The following UBE2R2 variants were observed in gnomAD, a reference collection of about 807,000 sequenced individuals.
UBE2R2 encodes ubiquitin-conjugating enzyme E2 R2.
A neutral mutation model predicts 27.8 loss-of-function variants in UBE2R2; 1 was observed. The ratio of observed to expected loss-of-function variants is 0.04; its 90% confidence interval spans 0.01 to 0.17. The LOEUF (loss-of-function observed/expected upper bound fraction) is 0.17. Ranked by LOEUF, UBE2R2 falls within the 10% of genes least tolerant of loss-of-function variation. The pLI, the probability that UBE2R2 is intolerant of heterozygous loss-of-function variation, is 1.00. For synonymous variants in UBE2R2, 106 were observed against 113.3 expected (o/e 0.94, Z 0.41); for missense variants, 100 against 291.0 (o/e 0.34, Z 4.78).
chr9:33,854,265 ACTTC>A (rs1280827325), intron 1 of UBE2R2, among the ~76,000 whole-genome samples: 1 of 151,448 alleles, frequency 6.6e-6, no homozygotes, highest in African/African-American at 2.4e-5. Context: ...ACTTGAAAAG[ACTTC>A]CTTCTTTATC....
chr9:33,913,249 G>C (rs1285826834), intron 4 of UBE2R2, among the ~76,000 whole-genome samples: 3 of 151,960 alleles, frequency 2.0e-5, no homozygotes, highest in African/African-American at 4.8e-5. Context: ...GTGAGCCACT[G>C]CACTCAGCCT....
At chr9:33,873,356 C>G (rs1176426201) in intron 1 of UBE2R2, among the ~76,000 whole-genome samples, 1 of 151,978 alleles carries the variant, frequency 6.6e-6, no homozygotes, top group Non-Finnish European at 1.5e-5. Context: ...GGACAGCCAA[C>G]TGTGACTTCT....
At chr9:33,861,351 C>T (rs1047963318) in intron 1 of UBE2R2, among the ~76,000 whole-genome samples, 4 of 151,904 alleles carry the variant, frequency 2.6e-5, no homozygotes, top group Non-Finnish European at 4.4e-5. Context: ...GCAGATTGCC[C>T]GAGGTCAGGA....
At chr9:33,878,794 A>G (rs1454745971) in intron 1 of UBE2R2, among the ~76,000 whole-genome samples, 1 of 152,190 alleles carries the variant, frequency 6.6e-6, no homozygotes, top group Admixed American at 6.5e-5. Flanking sequence ...GAAAATGCCA[A>G]GGTTGCAGTG....
chr9:33,842,537 G>T lies in UBE2R2; in HGVS notation c.177+24603G>T, dbSNP rs375655049. On this transcript the variant is annotated intron_variant, in intron 1 of 4. Transcript: ENST00000263228. The stretch of plus-strand genomic sequence containing the variant: ...AATTGCATCACTTAATAAGGTTATT[G>T]TTTTCATTAAAATGGATTGCTCATG... 5.3e-5 allele frequency among the ~76,000 whole-genome samples: 8 copies of T among 152,202 alleles called. 1 individual carries two copies. Among genetic ancestry groups the T allele is most frequent in the African/African-American group, 1.9e-4 (8 of 41,534 alleles).
Position 33,891,326 on chromosome 9 carries a change from A to G in UBE2R2, c.264+4359A>G, listed in dbSNP as rs1211283380. 2.0e-5 allele frequency among the ~76,000 whole-genome samples: 3 copies of G among 148,962 alleles called. No homozygotes were observed. In the East Asian group the frequency reaches 6.7e-4, roughly 33 times the overall value. On this transcript the variant is annotated intron_variant, in intron 2 of 4. Transcript: ENST00000263228. ...AGTGCTGGGATTACAGGAGTGAGCC[A>G]CCACACCCAGCTCTTATGTTTTTAA...
chr9:33,867,534 G>A (rs1297060687), intron 1 of UBE2R2, among the ~76,000 whole-genome samples: 2 of 152,084 alleles, frequency 1.3e-5, no homozygotes, highest in African/African-American at 4.8e-5. Flanking sequence ...TCCTATAAGC[G>A]CTATATGAGA....
intron 2 of UBE2R2, among the ~76,000 whole-genome samples, chr9:33,899,621 C>T (rs1822201330): frequency 1.3e-5 from 2 of 152,224 alleles, no homozygotes; most frequent in African/African-American, 4.8e-5. Context: ...GATCTGCCCA[C>T]CTTGGTCTCC....
intron 3 of UBE2R2, among the ~76,000 whole-genome samples, chr9:33,903,511 A>C (rs977234898): frequency 6.6e-6 from 1 of 152,194 alleles, no homozygotes; most frequent in Non-Finnish European, 1.5e-5. Flanking sequence ...TGGCTGGATA[A>C]TGTATTGCCA....
At chr9:33,916,912 G>A (rs1822659204) in intron 4 of UBE2R2, 106 bp from the exon 5 acceptor site, 2 of 1,485,364 alleles carry the variant, frequency 1.3e-6, no homozygotes, top group South Asian at 2.8e-5. Flanking sequence ...AGGTACTGAA[G>A]TTTGGAGAGC....
At chr9:33,827,510 G>A (rs988994468) in intron 1 of UBE2R2, among the ~76,000 whole-genome samples, 8 of 152,052 alleles carry the variant, frequency 5.3e-5, no homozygotes, top group African/African-American at 1.4e-4. Context: ...GTGTGGTGGC[G>A]CACGCCTGAA....
intron 2 of UBE2R2, among the ~76,000 whole-genome samples, chr9:33,894,772 C>T (rs1822065398): frequency 6.6e-6 from 1 of 152,194 alleles, no homozygotes; most frequent in South Asian, 2.1e-4. Flanking sequence ...TGGCTGTTAT[C>T]TGTGGTCCCA....
At chr9:33,866,997 G>T (rs990313747) in intron 1 of UBE2R2, among the ~76,000 whole-genome samples, 2 of 151,948 alleles carry the variant, frequency 1.3e-5, no homozygotes, top group Non-Finnish European at 2.9e-5. Context: ...TTCTTTTATG[G>T]ATATTACTTT....
chr9:33,911,703 T>A (rs1436450276), intron 3 of UBE2R2, among the ~76,000 whole-genome samples: 2 of 152,174 alleles, frequency 1.3e-5, no homozygotes, highest in African/African-American at 4.8e-5. Context: ...AATCACAGAT[T>A]TCCTCTGCTT....
chr9:33,819,884 G>T (rs542933467), intron 1 of UBE2R2, among the ~76,000 whole-genome samples: 4 of 152,304 alleles, frequency 2.6e-5, no homozygotes, highest in Admixed American at 2.6e-4. Flanking sequence ...TGATCAACCC[G>T]CCTCTGCCTC....
At position 33,917,353 on chromosome 9, in the gene UBE2R2, A is replaced by G; in HGVS notation, c.*116A>G. 6.8e-7 allele frequency: 1 copy of G among 1,466,392 alleles called. No homozygotes were observed. The highest frequency in any genetic ancestry group is 9.1e-7 in the Non-Finnish European group (1 of 1,094,910). The allele number at this position is 1,466,392 out of a possible 1,614,324, so 90.8% of individuals were successfully genotyped here. A position where few individuals can be genotyped will look rare whatever the true frequency, so the allele number is the denominator to read the frequency against. On this transcript the variant is annotated 3_prime_UTR_variant, in exon 5 of 5. Coordinates refer to ENST00000263228, the MANE Select transcript of UBE2R2 (RefSeq NM_017811.4). The stretch of plus-strand genomic sequence containing the variant: ...ACCTATTCACAGCGGGTGGGGAAAC[A>G]CACACAGCTCCTGCTGACTCCCCTT...
intron 1 of UBE2R2, among the ~76,000 whole-genome samples, chr9:33,870,046 T>C (rs1769725): frequency 0.41 from 61,740 of 151,708 alleles, 12,898 homozygotes; most frequent in African/African-American, 0.49. Context: ...TAGGTTTCAC[T>C]ATATTGGTCA....
At chr9:33,821,758 G>A (rs897067961) in intron 1 of UBE2R2, among the ~76,000 whole-genome samples, 2 of 151,678 alleles carry the variant, frequency 1.3e-5, no homozygotes, top group African/African-American at 4.8e-5. Flanking sequence ...TGGGATTACC[G>A]GCGTGCGCCA....
At chr9:33,872,816 A>C (rs999376540) in intron 1 of UBE2R2, among the ~76,000 whole-genome samples, 1 of 151,864 alleles carries the variant, frequency 6.6e-6, no homozygotes, top group South Asian at 2.1e-4. Context: ...TGGTGTGTGT[A>C]TGAATTTGGT....
Sources: allele counts gnomAD v4.1 joint callset (sites outside exome capture counted in the v4.1 genomes callset), GRCh38; gene constraint gnomAD v4.1.1; transcripts MANE v1.5; gene names NCBI Gene and HGNC (gene_info 2026-07-23, HGNC 2026-07-21).